TOM1L2: variants seen among roughly 807,000 people sequenced by gnomAD.
TOM1L2 encodes TOM1-like protein 2.
In TOM1L2, 31 loss-of-function variants were observed where a neutral mutation model predicts 67.9. The ratio of observed to expected loss-of-function variants is 0.46; its 90% confidence interval spans 0.34 to 0.62. The LOEUF (loss-of-function observed/expected upper bound fraction) is 0.62. Ranked by LOEUF, TOM1L2 falls within the 20% of genes least tolerant of loss-of-function variation. The pLI, the probability that TOM1L2 is intolerant of heterozygous loss-of-function variation, is 0.01. For missense variants in TOM1L2, 606 were observed against 663.5 expected, an observed-to-expected ratio of 0.91 and a Z score of 0.95; for synonymous variants, 256 against 254.0, an observed-to-expected ratio of 1.01 and a Z score of -0.07.
chr17:17,904,509 C>T (rs2038999499), intron 2 of TOM1L2, among the ~76,000 whole-genome samples: 2 of 152,228 alleles, frequency 1.3e-5, no homozygotes, highest in South Asian at 2.1e-4. Flanking sequence ...GTGGAGCTGC[C>T]GAGGGGTCTG....
At chr17:17,870,791 T>A (rs959477712) in intron 7 of TOM1L2, among the ~76,000 whole-genome samples, 12 of 152,214 alleles carry the variant, frequency 7.9e-5, no homozygotes, top group African/African-American at 2.7e-4. Context: ...CACTCAAGGA[T>A]GCCCTCAAGC....
chr17:17,888,679 G>A (rs2038114684), intron 4 of TOM1L2, among the ~76,000 whole-genome samples: 1 of 152,202 alleles, frequency 6.6e-6, no homozygotes, highest in Non-Finnish European at 1.5e-5. Flanking sequence ...TTCTTCAGTG[G>A]AAAGTGCATA....
intron 1 of TOM1L2, among the ~76,000 whole-genome samples, chr17:17,953,190 G>T (rs1026218724): frequency 1.3e-5 from 2 of 152,198 alleles, no homozygotes; most frequent in Non-Finnish European, 2.9e-5. Flanking sequence ...TGAGGCAGGA[G>T]AACTGCTTGA....
At chr17:17,967,475 T>C (rs1444928116) in intron 1 of TOM1L2, among the ~76,000 whole-genome samples, 1 of 152,266 alleles carries the variant, frequency 6.6e-6, no homozygotes, top group African/African-American at 2.4e-5. Context: ...CTCCAAGCAG[T>C]TGTGGAAGGC....
chr17:17,873,272 T>C (rs1375537379), intron 7 of TOM1L2, among the ~76,000 whole-genome samples: 15 of 152,214 alleles, frequency 9.9e-5, no homozygotes, highest in Admixed American at 9.8e-4. Context: ...ATCACCTAGA[T>C]TGTACCATTA....
At position 17,866,859 on chromosome 17, in the gene TOM1L2, T is replaced by C. The variant is rs746301987; in HGVS notation, c.960+17A>G. 6.2e-7 allele frequency: 1 copy of C among 1,613,328 alleles called. No individual in the cohort carries two copies. The highest frequency in any genetic ancestry group is 8.5e-7 in the Non-Finnish European group (1 of 1,179,332). On this transcript the variant is annotated intron_variant, in intron 9 of 14. Coordinates refer to ENST00000379504, the MANE Select transcript of TOM1L2 (RefSeq NM_001082968.2). ...GTCTGGCCTCAGGAGATGACAGGATTCTGAAGGAATACTTACTCCATTACT... is the reference window on the plus strand; with the variant it reads ...GTCTGGCCTCAGGAGATGACAGGATCCTGAAGGAATACTTACTCCATTACT...
intron 13 of TOM1L2, among the ~76,000 whole-genome samples, chr17:17,849,941 C>T (rs567014406): frequency 3.9e-5 from 6 of 152,336 alleles, no homozygotes; most frequent in Admixed American, 3.3e-4. Context: ...GGAAAGCTGA[C>T]CTTCTGGGGA....
chr17:17,972,374 ACCCGCCGGACT>A lies in TOM1L2; in HGVS notation c.-72_-62del, dbSNP rs2042148706. ...GTCTGCCACCTAGGCCTCCGCTGTA[ACCCGCCGGACT>A]CCCGTCCTGACTGACACTTGCCCCC... On this transcript the variant is annotated 5_prime_UTR_variant, in exon 1 of 15. Transcript: ENST00000379504. The A allele has an allele frequency of 1.9e-6, 3 of 1,545,358 alleles. No individual in the cohort carries two copies. Among genetic ancestry groups the A allele is most frequent in the Non-Finnish European group, 2.6e-6 (3 of 1,144,374 alleles).
intron 10 of TOM1L2, among the ~76,000 whole-genome samples, chr17:17,865,567 C>T (rs1216569087): frequency 2.0e-5 from 3 of 151,686 alleles, no homozygotes; most frequent in African/African-American, 7.3e-5. Context: ...TTAGTACAGA[C>T]GGGGTTTCAC....
At chr17:17,950,270 C>T (rs967076868) in intron 1 of TOM1L2, among the ~76,000 whole-genome samples, 2 of 152,162 alleles carry the variant, frequency 1.3e-5, no homozygotes, top group African/African-American at 4.8e-5. Flanking sequence ...AATTCTTGTG[C>T]CTCAGTCTTC....
At chr17:17,855,923 T>C (rs1382211595) in intron 12 of TOM1L2, among the ~76,000 whole-genome samples, 1 of 150,484 alleles carries the variant, frequency 6.6e-6, no homozygotes, top group Non-Finnish European at 1.5e-5. Context: ...GTTTCTACAC[T>C]ATGGGAAATA....
At chr17:17,954,866 A>C (rs2041363055) in intron 1 of TOM1L2, among the ~76,000 whole-genome samples, 1 of 151,804 alleles carries the variant, frequency 6.6e-6, no homozygotes, top group Admixed American at 6.6e-5. Flanking sequence ...CAAACAAAAA[A>C]CTCTCACACA....
At chr17:17,950,348 A>G (rs2041146875) in intron 1 of TOM1L2, among the ~76,000 whole-genome samples, 1 of 151,590 alleles carries the variant, frequency 6.6e-6, no homozygotes, top group Non-Finnish European at 1.5e-5. Context: ...TAGTAGAGAC[A>G]GGGTTTTACC....
intron 1 of TOM1L2, among the ~76,000 whole-genome samples, chr17:17,927,381 T>C (rs190725344): frequency 0.013 from 1,948 of 152,292 alleles, 30 homozygotes; most frequent in Non-Finnish European, 0.022. Flanking sequence ...GCAGAGGCTG[T>C]GGAGAGAGGC....
intron 7 of TOM1L2, among the ~76,000 whole-genome samples, chr17:17,876,265 G>T (rs1296583910): frequency 2.6e-5 from 4 of 152,200 alleles, no homozygotes; most frequent in Admixed American, 6.5e-5. Context: ...CCTTGAACAG[G>T]ATGACAAAGA....
chr17:17,912,032 G>A (rs2039381964), intron 1 of TOM1L2, among the ~76,000 whole-genome samples: 1 of 147,880 alleles, frequency 6.8e-6, no homozygotes, highest in African/African-American at 2.5e-5. Context: ...AGAACAAAAT[G>A]AAAAGTCTCC....
chr17:17,893,511 A>T, intron 4 of TOM1L2, 150 bp downstream of exon 4: 1 of 786,240 alleles, frequency 1.3e-6, no homozygotes, highest in Admixed American at 3.0e-5. Flanking sequence ...GTGGGATGAG[A>T]ATTTTTTTTG....
At chr17:17,901,855 G>A (rs1307333872) in intron 2 of TOM1L2, among the ~76,000 whole-genome samples, 1 of 152,196 alleles carries the variant, frequency 6.6e-6, no homozygotes, top group Non-Finnish European at 1.5e-5. Flanking sequence ...TGCCTTGATT[G>A]TGTAGGTCTG....
intron 7 of TOM1L2, among the ~76,000 whole-genome samples, chr17:17,870,079 G>A (rs539229860): frequency 4.1e-4 from 62 of 152,262 alleles, no homozygotes; most frequent in South Asian, 1.4e-3. Context: ...TATGACATCA[G>A]TTTACTTACA....
Sources: gnomAD v4.1 joint callset for allele counts (sites outside exome capture counted in the v4.1 genomes callset) on GRCh38, gnomAD v4.1.1 for gene constraint, MANE v1.5 for transcripts, NCBI Gene and HGNC (gene_info 2026-07-23, HGNC 2026-07-21) for gene names.